NOTCH2NLC: variants seen among roughly 807,000 people sequenced by gnomAD.
The protein encoded by NOTCH2NLC is notch 2 N-terminal like C.
Under a neutral mutation model 17.7 loss-of-function variants are expected in NOTCH2NLC, and 4 were observed. The ratio of observed to expected loss-of-function variants is 0.23; its 90% confidence interval spans 0.11 to 0.52. The LOEUF (loss-of-function observed/expected upper bound fraction) is 0.52, where lower values mean the gene tolerates loss of function less well. Ranked by LOEUF, NOTCH2NLC falls within the 20% of genes least tolerant of loss-of-function variation. The pLI, the probability that NOTCH2NLC is intolerant of heterozygous loss-of-function variation, is 0.96. For synonymous variants in NOTCH2NLC, 18 were observed against 86.0 expected, an observed-to-expected ratio of 0.21 and a Z score of 4.38; for missense variants, 57 against 207.2, an observed-to-expected ratio of 0.28 and a Z score of 4.45.
At position 149,467,488 on chromosome 1, in the gene NOTCH2NLC, G is replaced by A. The variant is rs1207923191; in HGVS notation, c.*3335G>A. The stretch of plus-strand genomic sequence containing the variant: ...AGAGGGAGGAGAAAAATATCTTCAA[G>A]AGAGAACTAATAGAATCAAATCAAT... On this transcript the variant is annotated 3_prime_UTR_variant, in exon 5 of 5. Transcript: ENST00000650865. 2.2e-5 allele frequency: 3 copies of A among 137,836 alleles called. No homozygotes were observed. Among genetic ancestry groups the A allele is most frequent in the Non-Finnish European group, 4.7e-5 (3 of 64,002 alleles). The allele number at this position is 137,836 out of a possible 1,614,324, so 8.5% of individuals were successfully genotyped here.
chr1:149,464,750 C>T lies in NOTCH2NLC; in HGVS notation c.*597C>T, dbSNP rs1437993360. 3 of 150,052 alleles carry T rather than the reference C, an allele frequency of 2.0e-5. No individual in the cohort carries two copies. The highest frequency in any genetic ancestry group is 4.4e-5 in the Non-Finnish European group (3 of 67,564). The allele number at this position is 150,052 out of a possible 1,614,324, so 9.3% of individuals were successfully genotyped here. ...AAAGATCCTGTTTTTATACAAATATCCTTAGTACAAAAACAAAAGAAGGAA... is the reference window on the plus strand; with the variant it reads ...AAAGATCCTGTTTTTATACAAATATTCTTAGTACAAAAACAAAAGAAGGAA... On this transcript the variant is annotated 3_prime_UTR_variant, in exon 5 of 5. Coordinates refer to ENST00000650865, the MANE Select transcript of NOTCH2NLC (RefSeq NM_001364013.2).
At chr1:149,420,170 G>T (rs1470804999) in intron 1 of NOTCH2NLC, among the ~76,000 whole-genome samples, 50 of 150,184 alleles carry the variant, frequency 3.3e-4, no homozygotes, top group African/African-American at 1.1e-3. Flanking sequence ...GTGCCTGGCC[G>T]TTTAGGGCTA....
chr1:149,404,303 A>G (rs2084255955), intron 1 of NOTCH2NLC, among the ~76,000 whole-genome samples: 1 of 151,254 alleles, frequency 6.6e-6, no homozygotes. Flanking sequence ...ACATTTTGAA[A>G]TAATAAAAAT....
At chr1:149,454,642 A>C (rs1261550577) in intron 2 of NOTCH2NLC, among the ~76,000 whole-genome samples, 1 of 151,200 alleles carries the variant, frequency 6.6e-6, no homozygotes, top group Non-Finnish European at 1.5e-5. Context: ...AAAAATGCCT[A>C]CTTAAATATT....
chr1:149,466,387 T>C lies in NOTCH2NLC; in HGVS notation c.*2234T>C, dbSNP rs1432986151. The C allele has an allele frequency of 7.1e-6, 1 of 140,378 alleles. No homozygotes were observed. The highest frequency in any genetic ancestry group is 2.2e-4 in the East Asian group (1 of 4,578). The allele number at this position is 140,378 out of a possible 1,614,324, so 8.7% of individuals were successfully genotyped here. A position where few individuals can be genotyped will look rare whatever the true frequency, so the allele number is the denominator to read the frequency against. On this transcript the variant is annotated 3_prime_UTR_variant, in exon 5 of 5. Transcript: ENST00000650865. ...CCAGATGACTTCAGCTTTGGATAAATATATAGAAGGAAATTTAAAGAGAAT... is the reference window on the plus strand; with the variant it reads ...CCAGATGACTTCAGCTTTGGATAAACATATAGAAGGAAATTTAAAGAGAAT...
chr1:149,460,897 TTCTTTCTTTCTTTCTTTCTCTC>T (rs1307274904), intron 3 of NOTCH2NLC, among the ~76,000 whole-genome samples: 3 of 83,894 alleles, frequency 3.6e-5, no homozygotes, highest in Non-Finnish European at 5.4e-5. Flanking sequence ...CTTTCTTTCT[TTCTTTCTTTCTTTCTTTCTCTC>T]TCTTTCTCTC....
chr1:149,423,224 TTTATCTC>T (rs2084387142), intron 1 of NOTCH2NLC, among the ~76,000 whole-genome samples: 1 of 149,592 alleles, frequency 6.7e-6, no homozygotes, highest in South Asian at 2.1e-4. Flanking sequence ...ACAAAATCGA[TTTATCTC>T]TTATTGCTTT....
At chr1:149,419,829 T>C (rs1413950611) in intron 1 of NOTCH2NLC, among the ~76,000 whole-genome samples, 1 of 141,054 alleles carries the variant, frequency 7.1e-6, no homozygotes, top group Non-Finnish European at 1.5e-5. Context: ...AAATAAAAAT[T>C]GAAGTTCAGG....
rs1462514430 is a variant in NOTCH2NLC, at chr1:149,468,582, C to A, written c.*4429C>A. On this transcript the variant is annotated 3_prime_UTR_variant, in exon 5 of 5. Transcript: ENST00000650865. ...CCAGCATCCCCAGCATAGTGCCTGT[C>A]ATAAAATGGTGCCACAATGAAAATT... Among the ~76,000 whole-genome samples, 4 of 141,124 alleles carry A rather than the reference C, an allele frequency of 2.8e-5. No individual in the cohort carries two copies. The highest frequency in any genetic ancestry group is 1.1e-4 in the African/African-American group (4 of 37,748). 92.6% of individuals were successfully genotyped at this position (141,124 alleles called of 152,430 possible). A position where few individuals can be genotyped will look rare whatever the true frequency, so the allele number is the denominator to read the frequency against.
intron 2 of NOTCH2NLC, among the ~76,000 whole-genome samples, chr1:149,431,650 A>G (rs1305545504): frequency 2.7e-5 from 4 of 149,828 alleles, no homozygotes; most frequent in South Asian, 4.3e-4. Context: ...CATGTTACCT[A>G]TTATCTTGTT....
At chr1:149,399,786 A>G (rs1256474547) in intron 1 of NOTCH2NLC, among the ~76,000 whole-genome samples, 1 of 140,088 alleles carries the variant, frequency 7.1e-6, no homozygotes, top group African/African-American at 2.7e-5. Flanking sequence ...CTTCTCTGAC[A>G]TATTCTTTCT....
At chr1:149,421,362 G>A (rs1199857782) in intron 1 of NOTCH2NLC, among the ~76,000 whole-genome samples, 5 of 149,898 alleles carry the variant, frequency 3.3e-5, no homozygotes, top group African/African-American at 4.9e-5. Context: ...AGCCGGATAT[G>A]GTGGCGGGCA....
intron 1 of NOTCH2NLC, among the ~76,000 whole-genome samples, chr1:149,424,238 G>A (rs2084398422): frequency 6.6e-6 from 1 of 151,284 alleles, no homozygotes; most frequent in African/African-American, 2.4e-5. Flanking sequence ...AGCCTTGTCT[G>A]GATTGAGTTA....
chr1:149,416,825 G>A (rs1283123341), intron 1 of NOTCH2NLC, among the ~76,000 whole-genome samples: 6 of 145,128 alleles, frequency 4.1e-5, no homozygotes, highest in Admixed American at 2.7e-4. Flanking sequence ...TGTTGTGTAG[G>A]TAGGGGTGAT....
rs2084643028 is a variant in NOTCH2NLC, at chr1:149,460,875, CTTT to C, written c.470-2615_470-2613del. Among the ~76,000 whole-genome samples, 13 of 100,148 alleles carry C rather than the reference CTTT, an allele frequency of 1.3e-4. 1 individual carries two copies. Among genetic ancestry groups the C allele is most frequent in the Non-Finnish European group, 2.9e-4 (13 of 45,024 alleles). 65.7% of individuals were successfully genotyped at this position (100,148 alleles called of 152,430 possible). On this transcript the variant is annotated intron_variant, in intron 3 of 4. Transcript: ENST00000650865. ...TCTCCCTTTCTTTCTTTCTTTCTTT[CTTT>C]CTTTCTTTCTTTCTTTCTTTCTTTC...
intron 2 of NOTCH2NLC, among the ~76,000 whole-genome samples, chr1:149,448,705 T>C (rs2084569590): frequency 3.3e-5 from 5 of 150,660 alleles, no homozygotes; most frequent in Admixed American, 2.0e-4. Context: ...AGCTCTGTGC[T>C]GCACTGGTAA....
Position 149,460,226 on chromosome 1 carries a change from C to G in NOTCH2NLC, c.470-3265C>G, listed in dbSNP as rs1234582670. On this transcript the variant is annotated intron_variant, in intron 3 of 4. Transcript: ENST00000650865. ...CCCACTTAAAATATTTTAATTCTGG[C>G]TAGTGGAAATGACAGTAATGCCTTC... 3.5e-3 allele frequency among the ~76,000 whole-genome samples: 514 copies of G among 147,520 alleles called. 7 individuals are homozygous for G. Among genetic ancestry groups the G allele is most frequent in the African/African-American group, 0.012 (498 of 40,162 alleles).
chr1:149,447,229 G>C (rs2084559737), intron 2 of NOTCH2NLC, among the ~76,000 whole-genome samples: 1 of 150,646 alleles, frequency 6.6e-6, no homozygotes, highest in Non-Finnish European at 1.5e-5. Flanking sequence ...ATTTCTGACT[G>C]TCTTACCTAT....
Position 149,471,228 on chromosome 1 carries a change from T to A in NOTCH2NLC, c.*7075T>A, listed in dbSNP as rs2084717084. On this transcript the variant is annotated 3_prime_UTR_variant, in exon 5 of 5. Transcript: ENST00000650865. Reference sequence around the variant, plus strand: ...AAAATATATCCTAAATACAAGTCTCTTATCAGATAATATGACTTGCAGATA... The same window carrying A: ...AAAATATATCCTAAATACAAGTCTCATATCAGATAATATGACTTGCAGATA... Among the ~76,000 whole-genome samples the A allele has an allele frequency of 6.6e-6, 1 of 151,412 alleles. No homozygotes were observed. Among genetic ancestry groups the A allele is most frequent in the African/African-American group, 2.4e-5 (1 of 41,250 alleles).
Sources: gnomAD v4.1 joint callset for allele counts (sites outside exome capture counted in the v4.1 genomes callset) on GRCh38, gnomAD v4.1.1 for gene constraint, MANE v1.5 for transcripts, NCBI Gene and HGNC (gene_info 2026-07-23, HGNC 2026-07-21) for gene names.